Variants in ADGRG1 observed in about 807,000 individuals in gnomAD.
ADGRG1 encodes the protein adhesion G protein-coupled receptor G1.
A neutral mutation model predicts 73.5 loss-of-function variants in ADGRG1; 53 were observed. The observed-to-expected ratio is 0.72, with a 90% confidence interval of 0.58 to 0.91. ADGRG1 has a LOEUF of 0.91. Ranked by LOEUF, ADGRG1 falls within the 40% of genes least tolerant of loss-of-function variation. The pLI, the probability that ADGRG1 is intolerant of heterozygous loss-of-function variation, is 0.00. For synonymous variants in ADGRG1, 394 were observed against 374.4 expected (o/e 1.05, Z -0.60); for missense variants, 795 against 871.8 (o/e 0.91, Z 1.11).
chr16:57,660,989 C>G lies in ADGRG1; in HGVS notation c.1664+113C>G, dbSNP rs186364112. On this transcript the variant is annotated intron_variant, in intron 12 of 13. Transcript: ENST00000562631. Reference sequence around the variant, plus strand: ...GGGGACACCTGGGTTCCAGTCTCCTCGAGGAATTGGCCTGGCAGTGGCTGA... The same window carrying G: ...GGGGACACCTGGGTTCCAGTCTCCTGGAGGAATTGGCCTGGCAGTGGCTGA... 9.3e-6 allele frequency: 7 copies of G among 752,150 alleles called. No homozygotes were observed. In the East Asian group the frequency reaches 1.9e-4, roughly 20 times the overall value. 46.6% of individuals were successfully genotyped at this position (752,150 alleles called of 1,614,324 possible). A position where few individuals can be genotyped will look rare whatever the true frequency, so the allele number is the denominator to read the frequency against.
Position 57,628,651 on chromosome 16 carries a change from C to T in ADGRG1, c.-187C>T. On this transcript the variant is annotated 5_prime_UTR_variant, in exon 1 of 14. Transcript: ENST00000562631. ...CTCCGCACTAGCTGTCTGCCCTGCC[C>T]TGCCGTAGGAGATGGGCTGGGAGCC... is the stretch of plus-strand genomic sequence containing the variant. 1 of 985,536 alleles carries T rather than the reference C, an allele frequency of 1.0e-6. No individual in the cohort carries two copies. Among genetic ancestry groups the T allele is most frequent in the Non-Finnish European group, 1.2e-6 (1 of 829,984 alleles). The allele number at this position is 985,536 out of a possible 1,614,324, so 61.0% of individuals were successfully genotyped here.
intron 13 of ADGRG1, 83 bp from the exon 14 acceptor site, chr16:57,663,369 C>G (rs561127370): frequency 1.1e-5 from 18 of 1,584,850 alleles, no homozygotes; most frequent in Non-Finnish European, 1.5e-5. Flanking sequence ...GGGGCAGACC[C>G]GAGTCACAAT....
At chr16:57,645,115 C>A in intron 1 of ADGRG1, 5 of 984,680 alleles carry the variant, frequency 5.1e-6, no homozygotes, top group Non-Finnish European at 6.0e-6. Context: ...CTCACCCTGC[C>A]GCCCGACCCC....
chr16:57,657,330 T>TG (rs769931300), intron 9 of ADGRG1, 43 bp from the exon 10 acceptor site: 1 of 1,613,124 alleles, frequency 6.2e-7, no homozygotes, highest in Non-Finnish European at 8.5e-7. Context: ...CCAGGTTGTG[T>TG]GGGGGACACA....
chr16:57,655,096 C>G (rs554860836), intron 5 of ADGRG1: 63 of 985,138 alleles, frequency 6.4e-5, no homozygotes, highest in Non-Finnish European at 7.2e-5. Flanking sequence ...CATGGCCACC[C>G]CCAAGTTGGC....
intron 6 of ADGRG1, 26 bp from the exon 7 acceptor site, chr16:57,655,850 C>G (rs781308270): frequency 1.9e-6 from 3 of 1,614,080 alleles, no homozygotes; most frequent in Non-Finnish European, 8.5e-7. Context: ...CCTCCCTACT[C>G]TCTTCCTCCA....
intron 1 of ADGRG1, chr16:57,634,859 G>C (rs17325433): frequency 7.1e-6 from 4 of 565,198 alleles, no homozygotes; most frequent in Non-Finnish European, 9.0e-6. Context: ...CTTTCTAGCC[G>C]CATCAGGCCA....
At chr16:57,639,519 C>T in intron 1 of ADGRG1, 3 of 985,450 alleles carry the variant, frequency 3.0e-6, no homozygotes, top group Non-Finnish European at 3.6e-6. Context: ...TGGGGTGGCC[C>T]AGCTTCAAAG....
intron 1 of ADGRG1, chr16:57,645,295 G>C (rs1351856076): frequency 2.0e-6 from 2 of 985,336 alleles, no homozygotes; most frequent in South Asian, 9.4e-5. Context: ...AGGCCTCCAG[G>C]TGGGCAAGAC....
chr16:57,660,224 G>T (rs371010053), intron 11 of ADGRG1: 13 of 984,794 alleles, frequency 1.3e-5, no homozygotes, highest in Non-Finnish European at 1.6e-5. Context: ...CTCAACCTCC[G>T]CATGCCCCTG....
upstream of ADGRG1, chr16:57,627,401 ACGGC>A (rs1304485439): frequency 6.6e-6 from 1 of 152,316 alleles, no homozygotes; most frequent in Non-Finnish European, 1.5e-5. Flanking sequence ...ATGGAGCCAG[ACGGC>A]CTGTGCTCCC....
chr16:57,654,221 T>C, intron 5 of ADGRG1, 88 bp downstream of exon 5: 1 of 1,344,732 alleles, frequency 7.4e-7, no homozygotes, highest in South Asian at 1.3e-5. Context: ...TGAAGCTCAG[T>C]GCCGTCGCAG....
intron 2 of ADGRG1, 167 bp from the exon 3 acceptor site, chr16:57,651,033 T>C: frequency 6.5e-7 from 1 of 1,534,294 alleles, no homozygotes; most frequent in Non-Finnish European, 8.7e-7. Flanking sequence ...TATAGTTTGA[T>C]GCTGATAAGT....
intron 1 of ADGRG1, chr16:57,644,270 A>ACACACACTCAT (rs1268579208): frequency 8.5e-6 from 7 of 826,804 alleles, no homozygotes; most frequent in Non-Finnish European, 1.0e-5. Flanking sequence ...ATGCACGGGC[A>ACACACACTCAT]CACACACTCA....
chr16:57,630,001 C>T (rs1459476768), intron 1 of ADGRG1: 31 of 985,114 alleles, frequency 3.1e-5, no homozygotes, highest in African/African-American at 5.2e-5. Flanking sequence ...CTGGGGTCCA[C>T]GGGCTGTGTA....
intron 1 of ADGRG1, chr16:57,641,039 C>G (rs2040696192): frequency 3.0e-6 from 3 of 985,466 alleles, no homozygotes; most frequent in Non-Finnish European, 3.6e-6. Context: ...TCAGCATCCT[C>G]TTTGTCCCTT....
At chr16:57,656,432 C>T in intron 8 of ADGRG1, 82 bp from the exon 9 acceptor site, 1 of 1,600,998 alleles carries the variant, frequency 6.2e-7, no homozygotes, top group Non-Finnish European at 8.6e-7. Flanking sequence ...GGAAGAATGA[C>T]ACAGTCGTGC....
Position 57,659,412 on chromosome 16 carries a change from G to C in ADGRG1, c.1287-1G>C. On this transcript the variant is annotated splice_acceptor_variant, in intron 10 of 13. Transcript: ENST00000562631. LOFTEE classifies it high-confidence loss of function. ...CCCACCAGGGTGCCCCTGCCGTGCA[G>C]GAGGAAACCTCGGGACTACACCATC... 1 of 1,613,754 alleles carries C rather than the reference G, an allele frequency of 6.2e-7. No homozygotes were observed. The highest frequency in any genetic ancestry group is 8.5e-7 in the Non-Finnish European group (1 of 1,180,002).
At chr16:57,622,782 C>T, upstream of ADGRG1, 1 of 985,390 alleles carries the variant, frequency 1.0e-6, no homozygotes, top group African/African-American at 1.7e-5. Context: ...GGCGGCCACA[C>T]TGTCTACCTT....
Sources: gnomAD v4.1 joint callset for allele counts on GRCh38, gnomAD v4.1.1 for gene constraint, MANE v1.5 for transcripts, NCBI Gene and HGNC (gene_info 2026-07-23, HGNC 2026-07-21) for gene names.